CLMN: variants seen among roughly 807,000 people sequenced by gnomAD.
CLMN encodes the protein calmin, also known as calmin (calponin-like, transmembrane).
A neutral mutation model predicts 92.7 loss-of-function variants in CLMN; 57 were observed. That is an observed-to-expected ratio of 0.61 (90% CI 0.50 to 0.77). The LOEUF (loss-of-function observed/expected upper bound fraction) is 0.77, where lower values mean the gene tolerates loss of function less well. Among genes scored for constraint, CLMN ranks in the 30% least tolerant of loss-of-function variants. The probability of loss-of-function intolerance (pLI) is 0.00; values close to 1 mark genes in which losing one functional copy is unlikely to be tolerated. For synonymous variants in CLMN, 466 were observed against 470.6 expected (o/e 0.99, Z 0.13); for missense variants, 1,158 against 1,237.5 (o/e 0.94, Z 0.96).
chr14:95,319,861 C>CGCGGAGAGCCTGGCTGGCGG lies in CLMN; in HGVS notation c.-70_-69insCCGCCAGCCAGGCTCTCCGC. Reference sequence around the variant, plus strand: ...GGGCGCGGAGAGCCTGGCTGGCGGGCGCGCGAGCGGCACGCACCCGGCGAG... The same window carrying CGCGGAGAGCCTGGCTGGCGG: ...GGGCGCGGAGAGCCTGGCTGGCGGGCGCGGAGAGCCTGGCTGGCGGGCGCGAGCGGCACGCACCCGGCGAG... On this transcript the variant is annotated 5_prime_UTR_variant, in exon 1 of 13. Transcript: ENST00000298912. 2.2e-6 allele frequency: 2 copies of CGCGGAGAGCCTGGCTGGCGG among 913,718 alleles called. No individual in the cohort carries two copies. Among genetic ancestry groups the CGCGGAGAGCCTGGCTGGCGG allele is most frequent in the Non-Finnish European group, 2.6e-6 (2 of 766,828 alleles). 56.6% of individuals were successfully genotyped at this position (913,718 alleles called of 1,614,324 possible). A position where few individuals can be genotyped will look rare whatever the true frequency, so the allele number is the denominator to read the frequency against.
At chr14:95,288,189 CA>C (rs1302773825) in intron 1 of CLMN, among the ~76,000 whole-genome samples, 2 of 152,210 alleles carry the variant, frequency 1.3e-5, no homozygotes, top group Non-Finnish European at 2.9e-5. Flanking sequence ...TATCCTAAGG[CA>C]GGGGCCTTAT....
At chr14:95,271,423 G>A (rs546493699) in intron 1 of CLMN, among the ~76,000 whole-genome samples, 11 of 152,282 alleles carry the variant, frequency 7.2e-5, no homozygotes, top group African/African-American at 2.4e-4. Context: ...TGAGAGCCAC[G>A]AAGACAGCAC....
At chr14:95,213,147 C>T in intron 6 of CLMN, 72 bp downstream of exon 6, 1 of 1,508,436 alleles carries the variant, frequency 6.6e-7, no homozygotes, top group Non-Finnish European at 9.1e-7. Context: ...TTAATAAATA[C>T]TAATTCTCCT....
At chr14:95,257,302 T>C (rs1899040936) in intron 1 of CLMN, among the ~76,000 whole-genome samples, 1 of 152,246 alleles carries the variant, frequency 6.6e-6, no homozygotes, top group Non-Finnish European at 1.5e-5. Context: ...ACTGTTTTTA[T>C]TCATTTCCCT....
At chr14:95,266,506 T>C (rs1479191435) in intron 1 of CLMN, among the ~76,000 whole-genome samples, 2 of 152,122 alleles carry the variant, frequency 1.3e-5, no homozygotes, top group African/African-American at 2.4e-5. Context: ...GAAAGATGGC[T>C]ACAAGGAAAA....
chr14:95,246,399 C>G (rs537091413), intron 1 of CLMN, among the ~76,000 whole-genome samples: 1 of 152,348 alleles, frequency 6.6e-6, no homozygotes, highest in African/African-American at 2.4e-5. Context: ...CCTTTTGCCA[C>G]TTAATGGGCC....
intron 4 of CLMN, among the ~76,000 whole-genome samples, 181 bp from the exon 5 acceptor site, chr14:95,215,914 T>C (rs892299677): frequency 6.6e-6 from 1 of 151,588 alleles, no homozygotes; most frequent in Non-Finnish European, 1.5e-5. Context: ...ACACTCAGCA[T>C]GCAAAAGTGT....
At chr14:95,318,817 T>C (rs979775503) in intron 1 of CLMN, among the ~76,000 whole-genome samples, 13 of 152,226 alleles carry the variant, frequency 8.5e-5, no homozygotes, top group Admixed American at 5.9e-4. Context: ...GGAGATACAG[T>C]TCCATGAAGA....
intron 1 of CLMN, among the ~76,000 whole-genome samples, chr14:95,271,173 G>C (rs530392596): frequency 5.2e-4 from 79 of 152,296 alleles, no homozygotes; most frequent in Middle Eastern, 3.4e-3. Flanking sequence ...CTATTACGGA[G>C]ATGCAAGAGT....
intron 12 of CLMN, chr14:95,193,513 G>A (rs969945759): frequency 5.7e-5 from 46 of 800,010 alleles, no homozygotes; most frequent in East Asian, 1.3e-4. Flanking sequence ...CTGCCTGGCC[G>A]TCCCTTTGCT....
At chr14:95,255,575 C>T (rs1283504237) in intron 1 of CLMN, among the ~76,000 whole-genome samples, 1 of 152,146 alleles carries the variant, frequency 6.6e-6, no homozygotes, top group Non-Finnish European at 1.5e-5. Context: ...GAACGCATCC[C>T]CTGCAGAGAA....
intron 1 of CLMN, among the ~76,000 whole-genome samples, chr14:95,287,972 C>A (rs1342305129): frequency 6.6e-6 from 1 of 152,196 alleles, no homozygotes; most frequent in Non-Finnish European, 1.5e-5. Context: ...TTCATTAGTT[C>A]ATGGTTCATT....
chr14:95,253,221 G>A (rs1345513460), intron 1 of CLMN, among the ~76,000 whole-genome samples: 14 of 152,206 alleles, frequency 9.2e-5, no homozygotes, highest in African/African-American at 3.4e-4. Context: ...CTGCCTGCAC[G>A]AAGTGGAGTT....
intron 1 of CLMN, among the ~76,000 whole-genome samples, chr14:95,234,287 C>G (rs1897981054): frequency 6.6e-6 from 1 of 152,236 alleles, no homozygotes; most frequent in African/African-American, 2.4e-5. Flanking sequence ...CAGGGTCCCC[C>G]AGCATTGCTC....
intron 1 of CLMN, among the ~76,000 whole-genome samples, chr14:95,315,636 C>A (rs1475572474): frequency 4.6e-5 from 7 of 152,210 alleles, no homozygotes; most frequent in Admixed American, 4.6e-4. Context: ...TCATTTCTCT[C>A]CCTTCTGCAC....
chr14:95,311,222 G>A (rs1278111941), intron 1 of CLMN, among the ~76,000 whole-genome samples: 2 of 151,814 alleles, frequency 1.3e-5, no homozygotes, highest in African/African-American at 2.4e-5. Flanking sequence ...CTCCCCACCC[G>A]CCGCCCCAGT....
At position 95,191,931 on chromosome 14, in the gene CLMN, A is replaced by C. The variant is rs1007061947; in HGVS notation, c.2841-199T>G. 5 of 492,856 alleles carry C rather than the reference A, an allele frequency of 1.0e-5. No homozygotes were observed. The highest frequency in any genetic ancestry group is 2.0e-5 in the African/African-American group (1 of 50,466). 30.5% of individuals were successfully genotyped at this position (492,856 alleles called of 1,614,324 possible). A position where few individuals can be genotyped will look rare whatever the true frequency, so the allele number is the denominator to read the frequency against. ...GTCGGGCCATCCAGGCAGCCCCTCG[A>C]GCTTTTGCACGTACTCCGTTCATCT... On this transcript the variant is annotated intron_variant, in intron 12 of 12. Transcript: ENST00000298912. The surrounding 1 kb of genome is among the most constrained non-coding windows in gnomAD (Gnocchi z 5.3).
Position 95,210,660 on chromosome 14 carries a change from A to G in CLMN, c.802+26T>C, listed in dbSNP as rs558490032. 9 of 1,590,720 alleles carry G rather than the reference A, an allele frequency of 5.7e-6. No homozygotes were observed. The South Asian group carries it at 5.8e-5, about 10-fold the overall frequency. ...GGTACATTTGTAAAAAAAAATTATT[A>G]GAAAGAAAGAGAGAACCACTGCTAC... On this transcript the variant is annotated intron_variant, in intron 7 of 12. Transcript: ENST00000298912.
intron 1 of CLMN, among the ~76,000 whole-genome samples, chr14:95,270,949 A>G (rs1899685195): frequency 1.3e-5 from 2 of 152,042 alleles, no homozygotes; most frequent in Non-Finnish European, 2.9e-5. Flanking sequence ...TGGGGTTCTA[A>G]TTTTTCCACA....
Sources: gnomAD v4.1 joint callset for allele counts (sites outside exome capture counted in the v4.1 genomes callset) on GRCh38, gnomAD v4.1.1 for gene constraint, Gnocchi (gnomAD v3.1) non-coding constraint, MANE v1.5 for transcripts, NCBI Gene and HGNC (gene_info 2026-07-23, HGNC 2026-07-21) for gene names.